ADAMTS6: variants seen among roughly 807,000 people sequenced by gnomAD.
ADAMTS6 encodes A disintegrin and metalloproteinase with thrombospondin motifs 6.
Under a neutral mutation model 144.3 loss-of-function variants are expected in ADAMTS6, and 23 were observed. The ratio of observed to expected loss-of-function variants is 0.16; its 90% CI spans 0.11 to 0.23. The LOEUF is 0.23. ADAMTS6 is among the 10% of genes least tolerant of loss of function. The pLI, the probability that ADAMTS6 is intolerant of heterozygous loss-of-function variation, is 1.00. For missense variants in ADAMTS6, 999 were observed against 1,379.6 expected (o/e 0.72, Z 4.37); for synonymous variants, 444 against 457.5 (o/e 0.97, Z 0.38).
chr5:65,231,344 A>G (rs1263396696), intron 15 of ADAMTS6, among the ~76,000 whole-genome samples: 1 of 152,126 alleles, frequency 6.6e-6, no homozygotes, highest in Non-Finnish European at 1.5e-5. Context: ...ACAATTTACC[A>G]TTGTAAATAT....
intron 7 of ADAMTS6, among the ~76,000 whole-genome samples, chr5:65,338,600 C>T (rs1031150896): frequency 6.6e-6 from 1 of 152,156 alleles, no homozygotes; most frequent in Admixed American, 6.6e-5. Context: ...GAATCCCAAG[C>T]CTGAGAAGCA....
Position 65,452,166 on chromosome 5 carries a change from T to A in ADAMTS6, c.894A>T (p.Ile298=), listed in dbSNP as rs533107085. The stretch of plus-strand genomic sequence containing the variant: ...CTGTGAGAACAATTAAGCGGGCCAC[T>A]ATAATATTCACAACGTTTCCTAGGC... ...DSSLGNVVNI[I]VARLIVLTED... is the part of the protein sequence containing the mutation. Residue 298 remains isoleucine, a synonymous_variant, in exon 6 of 25, where the codon ATA becomes ATT. Coordinates refer to ENST00000381055, the MANE Select transcript of ADAMTS6 (RefSeq NM_197941.4). 1.3e-4 allele frequency: 214 copies of A among 1,611,904 alleles called. 2 individuals carry two copies. The South Asian group carries it at 2.2e-3, about 16-fold the overall frequency.
At chr5:65,263,340 T>C (rs2112605996) in intron 12 of ADAMTS6, among the ~76,000 whole-genome samples, 1 of 151,798 alleles carries the variant, frequency 6.6e-6, no homozygotes, top group East Asian at 1.9e-4. Context: ...TCACTATTAT[T>C]AGACTCATGG....
chr5:65,382,310 T>C (rs1752112276), intron 7 of ADAMTS6, among the ~76,000 whole-genome samples: 1 of 152,250 alleles, frequency 6.6e-6, no homozygotes, highest in Non-Finnish European at 1.5e-5. Context: ...GATAAGGTAT[T>C]AGTCATTACC....
intron 18 of ADAMTS6, among the ~76,000 whole-genome samples, chr5:65,223,785 T>G (rs1277398175): frequency 6.6e-6 from 1 of 151,508 alleles, no homozygotes; most frequent in Non-Finnish European, 1.5e-5. Context: ...AGTGTAGATA[T>G]CTCTTTGAGA....
intron 11 of ADAMTS6, among the ~76,000 whole-genome samples, chr5:65,291,082 T>A (rs1029939149): frequency 6.6e-6 from 1 of 152,108 alleles, no homozygotes; most frequent in Non-Finnish European, 1.5e-5. Flanking sequence ...AGAAAAAATA[T>A]ATTAAGAATT....
chr5:65,258,849 A>T (rs1024644868), intron 14 of ADAMTS6, among the ~76,000 whole-genome samples: 1 of 152,248 alleles, frequency 6.6e-6, no homozygotes, highest in African/African-American at 2.4e-5. Context: ...TAAACATTAG[A>T]TGTCCATTAA....
rs138257349 is a variant in ADAMTS6, at chr5:65,216,981, A to G, written c.2273-1494T>C. 6.0e-4 allele frequency among the ~76,000 whole-genome samples: 91 copies of G among 152,304 alleles called. 2 individuals carry two copies. The highest frequency in any genetic ancestry group is 2.1e-3 in the African/African-American group (88 of 41,568). The stretch of plus-strand genomic sequence containing the variant: ...GATAAACAAGTAGCCCAAAAGGACT[A>G]AAGGGTCATGGTGCAGAGTCTCTGA... On this transcript the variant is annotated intron_variant, in intron 18 of 24. Transcript: ENST00000381055.
At chr5:65,316,589 A>C (rs191441194) in intron 9 of ADAMTS6, among the ~76,000 whole-genome samples, 59 of 152,328 alleles carry the variant, frequency 3.9e-4, no homozygotes, top group African/African-American at 1.4e-3. Flanking sequence ...TAAGCTGCTT[A>C]AAAGAAATTC....
intron 7 of ADAMTS6, among the ~76,000 whole-genome samples, chr5:65,354,073 T>C (rs145252603): frequency 6.0e-4 from 91 of 152,034 alleles, no homozygotes; most frequent in African/African-American, 1.8e-3. Flanking sequence ...GAGATATCCA[T>C]GATTCACCTC....
chr5:65,273,309 T>C (rs550420771), intron 12 of ADAMTS6, 31 bp downstream of exon 12: 6 of 1,590,952 alleles, frequency 3.8e-6, no homozygotes, highest in Admixed American at 1.7e-5. Context: ...TTTGTATACA[T>C]GTCAAACAGG....
At chr5:65,221,166 G>A (rs2112368013) in intron 18 of ADAMTS6, among the ~76,000 whole-genome samples, 1 of 152,170 alleles carries the variant, frequency 6.6e-6, no homozygotes, top group East Asian at 1.9e-4. Context: ...GGCTTAACCT[G>A]ATACAAAAAC....
At chr5:65,411,783 A>T (rs1755075936) in intron 7 of ADAMTS6, among the ~76,000 whole-genome samples, 1 of 152,220 alleles carries the variant, frequency 6.6e-6, no homozygotes, top group South Asian at 2.1e-4. Flanking sequence ...ATTTAAATAT[A>T]GGTCTTTGAA....
chr5:65,156,391 C>T (rs565312218), intron 24 of ADAMTS6, among the ~76,000 whole-genome samples: 1 of 151,970 alleles, frequency 6.6e-6, no homozygotes, highest in Admixed American at 6.6e-5. Flanking sequence ...ACCACCACCA[C>T]CAAAAATATT....
intron 24 of ADAMTS6, among the ~76,000 whole-genome samples, chr5:65,161,406 A>T (rs969833899): frequency 3.3e-5 from 5 of 152,174 alleles, no homozygotes; most frequent in African/African-American, 1.2e-4. Context: ...CTTGTAATTC[A>T]GCTCATAATG....
rs921113965 is a variant in ADAMTS6, at chr5:65,354,935, T to C, written c.1074-20850A>G. Among the ~76,000 whole-genome samples, 13 of 151,956 alleles carry C rather than the reference T, an allele frequency of 8.6e-5. No individual in the cohort carries two copies. In the East Asian group the frequency reaches 2.1e-3, roughly 25 times the overall value. ...GATAAATGAAGTGTCGGGAAAGGTA[T>C]TGTGGCAACTATGAAGGCATATTTG... On this transcript the variant is annotated intron_variant, in intron 7 of 24. Coordinates refer to ENST00000381055, the MANE Select transcript of ADAMTS6 (RefSeq NM_197941.4).
intron 7 of ADAMTS6, among the ~76,000 whole-genome samples, chr5:65,336,145 A>G (rs1000012046): frequency 6.6e-6 from 1 of 152,050 alleles, no homozygotes; most frequent in African/African-American, 2.4e-5. Context: ...TTTTCAAACC[A>G]TGAGTATATA....
At chr5:65,197,885 TAC>T (rs1237724937) in intron 20 of ADAMTS6, among the ~76,000 whole-genome samples, 4 of 151,894 alleles carry the variant, frequency 2.6e-5, no homozygotes, top group African/African-American at 7.3e-5. Context: ...AATATTCTCA[TAC>T]AGTTTATAAA....
intron 18 of ADAMTS6, among the ~76,000 whole-genome samples, chr5:65,216,854 C>T (rs1208746646): frequency 2.0e-5 from 3 of 151,314 alleles, no homozygotes; most frequent in Non-Finnish European, 4.4e-5. Flanking sequence ...TTAGTACTAC[C>T]GTACAAAAAC....
Sources: allele counts gnomAD v4.1 joint callset (sites outside exome capture counted in the v4.1 genomes callset), GRCh38; gene constraint gnomAD v4.1.1; transcripts MANE v1.5; gene names NCBI Gene and HGNC (gene_info 2026-07-23, HGNC 2026-07-21).